Variants in MALRD1 observed in about 807,000 individuals in gnomAD.
MALRD1 encodes MAM and LDL receptor class A domain containing 1.
A neutral mutation model predicts 242.1 loss-of-function variants in MALRD1; 247 were observed. The observed-to-expected ratio is 1.02, with a 90% CI of 0.92 to 1.13. The LOEUF is 1.13. Ranked by LOEUF, MALRD1 falls within the 50% of genes most tolerant of loss-of-function variation. The pLI, the probability that MALRD1 is intolerant of heterozygous loss-of-function variation, is 0.00. For synonymous variants in MALRD1, 995 were observed against 866.6 expected (o/e 1.15, Z -2.60); for missense variants, 2,989 against 2,533.1 (o/e 1.18, Z -3.86).
chr10:19,194,592 T>C (rs1266088736), intron 14 of MALRD1, among the ~76,000 whole-genome samples: 1 of 152,164 alleles, frequency 6.6e-6, no homozygotes, highest in Non-Finnish European at 1.5e-5. Flanking sequence ...TTCTTTACTA[T>C]TCAATGGTGT....
intron 18 of MALRD1, among the ~76,000 whole-genome samples, chr10:19,237,006 T>A (rs1387191604): frequency 6.6e-6 from 1 of 152,022 alleles, no homozygotes; most frequent in Admixed American, 6.6e-5. Flanking sequence ...TTTTTAAAAA[T>A]TTTCACATTG....
At chr10:19,318,297 G>A (rs895449664) in intron 21 of MALRD1, among the ~76,000 whole-genome samples, 1 of 151,742 alleles carries the variant, frequency 6.6e-6, no homozygotes, top group Non-Finnish European at 1.5e-5. Context: ...ACTGTTCACA[G>A]TTTGATAAAA....
intron 14 of MALRD1, among the ~76,000 whole-genome samples, chr10:19,200,655 T>TTG (rs1297607256): frequency 4.9e-5 from 7 of 143,540 alleles, no homozygotes; most frequent in African/African-American, 1.9e-4. Context: ...GTTTTTTTTT[T>TTG]TTTTTTTTTT....
intron 1 of MALRD1, among the ~76,000 whole-genome samples, chr10:19,057,452 T>A (rs1399546317): frequency 6.6e-6 from 1 of 152,142 alleles, no homozygotes; most frequent in African/African-American, 2.4e-5. Context: ...ACCATCCTCA[T>A]GATCTCATAA....
At chr10:19,296,157 A>T (rs1246627380) in intron 21 of MALRD1, among the ~76,000 whole-genome samples, 2 of 152,126 alleles carry the variant, frequency 1.3e-5, no homozygotes, top group Non-Finnish European at 2.9e-5. Flanking sequence ...AGATAACTTT[A>T]AACACAGTTC....
intron 11 of MALRD1, among the ~76,000 whole-genome samples, chr10:19,152,785 T>C (rs146549079): frequency 0.015 from 2,293 of 152,212 alleles, 57 homozygotes; most frequent in African/African-American, 0.051. Context: ...AATTTACTTC[T>C]CTTTTTCTAT....
intron 21 of MALRD1, among the ~76,000 whole-genome samples, chr10:19,292,512 A>G (rs767873163): frequency 6.6e-6 from 1 of 152,182 alleles, no homozygotes; most frequent in African/African-American, 2.4e-5. Context: ...GAAATGAGTT[A>G]TGGTCCCCAC....
At chr10:19,425,187 A>C (rs1358672384) in intron 28 of MALRD1, among the ~76,000 whole-genome samples, 3 of 152,224 alleles carry the variant, frequency 2.0e-5, no homozygotes, top group African/African-American at 7.2e-5. Context: ...GACAATGTGA[A>C]GTAAACCCAA....
At chr10:19,238,491 A>T (rs1405343641) in intron 18 of MALRD1, among the ~76,000 whole-genome samples, 134 of 7,848 alleles carry the variant, frequency 0.017, 11 homozygotes, top group African/African-American at 0.05. Flanking sequence ...CATTATATAT[A>T]ATATATAATA....
intron 38 of MALRD1, among the ~76,000 whole-genome samples, chr10:19,714,016 G>A (rs1057007402): frequency 1.3e-5 from 2 of 152,250 alleles, no homozygotes; most frequent in East Asian, 3.9e-4. Context: ...CCATGGCAGT[G>A]TCTAGGGTTG....
chr10:19,378,703 G>T (rs1265720197), intron 26 of MALRD1, among the ~76,000 whole-genome samples: 1 of 152,032 alleles, frequency 6.6e-6, no homozygotes, highest in African/African-American at 2.4e-5. Flanking sequence ...ACTGTCTTAT[G>T]TGCAGAACTT....
intron 21 of MALRD1, among the ~76,000 whole-genome samples, chr10:19,309,846 C>T (rs1588889851): frequency 6.6e-6 from 1 of 151,340 alleles, no homozygotes; most frequent in Non-Finnish European, 1.5e-5. Flanking sequence ...AAACAGCTGG[C>T]ACAAAGAATT....
At chr10:19,481,319 T>C (rs528653640) in intron 29 of MALRD1, among the ~76,000 whole-genome samples, 19 of 152,318 alleles carry the variant, frequency 1.2e-4, no homozygotes, top group Non-Finnish European at 2.6e-4. Flanking sequence ...TTGCCTGATA[T>C]GTGCATTGAC....
intron 36 of MALRD1, among the ~76,000 whole-genome samples, chr10:19,629,477 C>T (rs1839815591): frequency 6.6e-6 from 1 of 152,094 alleles, no homozygotes; most frequent in African/African-American, 2.4e-5. Context: ...GTGTAAGAAT[C>T]AGGAGATTCA....
At position 19,108,387 on chromosome 10, in the gene MALRD1, C is replaced by CTTTTTTTTTTTTTTTTTTTTTTTTTTTTT. The variant is rs35948766; in HGVS notation, c.694+4322_694+4350dup. 2.0e-4 allele frequency among the ~76,000 whole-genome samples: 4 copies of CTTTTTTTTTTTTTTTTTTTTTTTTTTTTT among 19,764 alleles called. 2 individuals carry two copies. The highest frequency in any genetic ancestry group is 7.2e-4 in the African/African-American group (2 of 2,782). The allele number at this position is 19,764 out of a possible 152,430, so 13.0% of individuals were successfully genotyped here. A position where few individuals can be genotyped will look rare whatever the true frequency, so the allele number is the denominator to read the frequency against. ...TTATTGAGCTCATGAATTGTTTTTT[C>CTTTTTTTTTTTTTTTTTTTTTTTTTTTTT]TTTTTTTTTTTTTTTTTTTTTTTTT... On this transcript the variant is annotated intron_variant, in intron 5 of 39. Coordinates refer to ENST00000454679, the MANE Select transcript of MALRD1 (RefSeq NM_001142308.3).
intron 36 of MALRD1, among the ~76,000 whole-genome samples, chr10:19,619,467 C>T (rs1335347873): frequency 6.6e-6 from 1 of 151,974 alleles, no homozygotes; most frequent in Non-Finnish European, 1.5e-5. Context: ...TTTTGCCCAA[C>T]TTTTTACTAG....
At chr10:19,266,859 C>T (rs1042450789) in intron 19 of MALRD1, among the ~76,000 whole-genome samples, 1 of 151,838 alleles carries the variant, frequency 6.6e-6, no homozygotes, top group Non-Finnish European at 1.5e-5. Context: ...GGAATGATGA[C>T]AAAGTTATCA....
At chr10:19,113,167 A>G (rs950442210) in intron 5 of MALRD1, among the ~76,000 whole-genome samples, 3 of 152,124 alleles carry the variant, frequency 2.0e-5, no homozygotes, top group Non-Finnish European at 4.4e-5. Context: ...ACTTTATAAC[A>G]GACACCTATG....
chr10:19,499,306 C>A (rs1837861186), intron 31 of MALRD1, among the ~76,000 whole-genome samples: 1 of 152,038 alleles, frequency 6.6e-6, no homozygotes, highest in African/African-American at 2.4e-5. Flanking sequence ...AAAAAAATAT[C>A]TAAGATATTT....
Sources: allele counts gnomAD v4.1 joint callset (sites outside exome capture counted in the v4.1 genomes callset), GRCh38; gene constraint gnomAD v4.1.1; transcripts MANE v1.5; gene names NCBI Gene and HGNC (gene_info 2026-07-23, HGNC 2026-07-21).